The following RHPN2 variants were observed in gnomAD, a reference collection of about 807,000 sequenced individuals.
RHPN2 encodes the protein rhophilin-2.
Under a neutral mutation model 79.0 loss-of-function variants are expected in RHPN2, and 40 were observed. That is an observed-to-expected ratio of 0.51 (90% confidence interval 0.39 to 0.66). The LOEUF is 0.66. Among genes scored for constraint, RHPN2 ranks in the 30% least tolerant of loss-of-function variants. The pLI, the probability that RHPN2 is intolerant of heterozygous loss-of-function variation, is 0.00. For synonymous variants in RHPN2, 285 were observed against 363.5 expected (o/e 0.78, Z 2.46); for missense variants, 686 against 883.5 (o/e 0.78, Z 2.83).
rs150478144 is a variant in RHPN2 at position 33,038,117 on chromosome 19, G to A, written c.185+6132C>T. Among the ~76,000 whole-genome samples, 48 of 152,072 alleles carry A rather than the reference G, an allele frequency of 3.2e-4. No homozygotes were observed. The East Asian group carries it at 5.0e-3, about 16-fold the overall frequency. On this transcript the variant is annotated intron_variant, in intron 2 of 14. Transcript: ENST00000254260. ...TGTAATCCCAGCACTTTTGGAGGCC[G>A]AGTGGGCGGATCACTTGAGGTCAGG...
intron 2 of RHPN2, among the ~76,000 whole-genome samples, chr19:33,042,595 T>C (rs1972109074): frequency 6.6e-6 from 1 of 152,108 alleles, no homozygotes; most frequent in African/African-American, 2.4e-5. Context: ...CCAGACAAAC[T>C]TCCCACCCAG....
intron 2 of RHPN2, among the ~76,000 whole-genome samples, chr19:33,037,022 C>T (rs1029779659): frequency 6.6e-6 from 1 of 152,250 alleles, no homozygotes; most frequent in Non-Finnish European, 1.5e-5. Flanking sequence ...GCTCCACCTG[C>T]GGCCCTGGTG....
chr19:33,031,210 TTTCTA>T (rs150522688), intron 2 of RHPN2, among the ~76,000 whole-genome samples: 27,168 of 145,024 alleles, frequency 0.19, 2,764 homozygotes, highest in East Asian at 0.33. Flanking sequence ...TATTCTATTC[TTTCTA>T]TTCTATTCTA....
intron 14 of RHPN2, among the ~76,000 whole-genome samples, chr19:32,989,500 C>T (rs570175758): frequency 5.1e-4 from 77 of 152,308 alleles, no homozygotes; most frequent in African/African-American, 1.9e-3. Flanking sequence ...CTGACACTGC[C>T]TCTAGGGCGT....
Position 33,014,750 on chromosome 19 carries a change from A to G in RHPN2, c.391-2026T>C, listed in dbSNP as rs151091895. On this transcript the variant is annotated intron_variant, in intron 4 of 14. Coordinates refer to ENST00000254260, the MANE Select transcript of RHPN2 (RefSeq NM_033103.5). ...GCCTGGCCAACATGGTGAAACCCCA[A>G]CTCTATTAAAAATTTAAAAAATAAA... is the stretch of plus-strand genomic sequence containing the variant. Among the ~76,000 whole-genome samples the G allele has an allele frequency of 4.5e-4, 68 of 151,758 alleles. No homozygotes were observed. In the East Asian group the frequency reaches 0.013, roughly 29 times the overall value.
intron 1 of RHPN2, among the ~76,000 whole-genome samples, chr19:33,061,105 C>T (rs1235687301): frequency 6.6e-6 from 1 of 152,130 alleles, no homozygotes; most frequent in African/African-American, 2.4e-5. Flanking sequence ...CTGGCTCCCA[C>T]AAACACCTCC....
At chr19:33,061,821 G>T (rs1199998517) in intron 1 of RHPN2, among the ~76,000 whole-genome samples, 1 of 151,588 alleles carries the variant, frequency 6.6e-6, no homozygotes, top group Non-Finnish European at 1.5e-5. Flanking sequence ...GTTTTGTTTT[G>T]TTTTCATTTT....
intron 3 of RHPN2, among the ~76,000 whole-genome samples, chr19:33,023,789 A>T (rs1971944555): frequency 6.6e-6 from 1 of 151,392 alleles, no homozygotes. Flanking sequence ...CATCTCAAAA[A>T]AAAAAAAAAA....
At chr19:33,053,904 G>A (rs570022446) in intron 1 of RHPN2, among the ~76,000 whole-genome samples, 1 of 151,926 alleles carries the variant, frequency 6.6e-6, no homozygotes, top group South Asian at 2.1e-4. Flanking sequence ...TCTTGCCCAG[G>A]CTGGACTGCA....
intron 1 of RHPN2, among the ~76,000 whole-genome samples, chr19:33,051,235 G>A (rs1259359345): frequency 6.6e-6 from 1 of 152,156 alleles, no homozygotes; most frequent in African/African-American, 2.4e-5. Context: ...TAAGTGATCT[G>A]CCCACCTCGC....
intron 3 of RHPN2, among the ~76,000 whole-genome samples, chr19:33,024,418 G>T (rs1292620457): frequency 6.6e-6 from 1 of 152,156 alleles, no homozygotes; most frequent in African/African-American, 2.4e-5. Flanking sequence ...GGGTGACAGA[G>T]AGAGACTCCA....
intron 12 of RHPN2, 193 bp from the exon 13 acceptor site, chr19:32,992,162 A>G (rs554340984): frequency 1.6e-6 from 1 of 613,496 alleles, no homozygotes; most frequent in East Asian, 2.8e-5. Flanking sequence ...CATACCCAAT[A>G]TATTTTCAAT....
intron 1 of RHPN2, among the ~76,000 whole-genome samples, chr19:33,057,927 A>G (rs1972247342): frequency 6.6e-6 from 1 of 152,110 alleles, no homozygotes; most frequent in Admixed American, 6.6e-5. Context: ...TGGGAGGCCA[A>G]GGCGGGCAAA....
chr19:33,016,051 AAAACAAAC>A (rs35684570), intron 4 of RHPN2, among the ~76,000 whole-genome samples: 2 of 150,706 alleles, frequency 1.3e-5, no homozygotes, highest in Non-Finnish European at 3.0e-5. Context: ...CTCTGTTTCA[AAAACAAAC>A]AAACAAACAA....
chr19:33,021,903 TTTATC>T (rs1219363421), intron 3 of RHPN2, among the ~76,000 whole-genome samples: 2 of 152,188 alleles, frequency 1.3e-5, no homozygotes, highest in Middle Eastern at 3.4e-3. Flanking sequence ...TTGACACTGA[TTTATC>T]TTCCAGTTTC....
intron 11 of RHPN2, among the ~76,000 whole-genome samples, chr19:32,995,478 G>C (rs1971693282): frequency 6.6e-6 from 1 of 152,086 alleles, no homozygotes; most frequent in Non-Finnish European, 1.5e-5. Flanking sequence ...TTCACAGCAG[G>C]CTCGGACTAC....
intron 10 of RHPN2, 44 bp downstream of exon 10, chr19:32,999,542 G>A: frequency 6.3e-7 from 1 of 1,596,748 alleles, no homozygotes; most frequent in Middle Eastern, 2.1e-4. Flanking sequence ...AGGACCAGCT[G>A]GGCACCAAGT....
intron 1 of RHPN2, among the ~76,000 whole-genome samples, chr19:33,049,376 C>G (rs962343561): frequency 1.9e-4 from 29 of 152,270 alleles, no homozygotes; most frequent in African/African-American, 7.0e-4. Flanking sequence ...GACCTTAGCC[C>G]TGAACAAACA....
At chr19:32,987,928 C>A (rs1971623570) in intron 14 of RHPN2, among the ~76,000 whole-genome samples, 1 of 152,106 alleles carries the variant, frequency 6.6e-6, no homozygotes, top group African/African-American at 2.4e-5. Context: ...TGCCTGTAAT[C>A]CCAACACTTT....
Sources: gnomAD v4.1 joint callset for allele counts (sites outside exome capture counted in the v4.1 genomes callset) on GRCh38, gnomAD v4.1.1 for gene constraint, MANE v1.5 for transcripts, NCBI Gene and HGNC (gene_info 2026-07-23, HGNC 2026-07-21) for gene names.